The following SNRPN variants were observed in gnomAD, a reference collection of about 807,000 sequenced individuals.
SNRPN encodes the protein small nuclear ribonucleoprotein-associated protein N.
Under a neutral mutation model 25.2 loss-of-function variants are expected in SNRPN, and 7 were observed. That is an observed-to-expected ratio of 0.28 (90% CI 0.16 to 0.52). The LOEUF (loss-of-function observed/expected upper bound fraction) is 0.52. SNRPN is among the 20% of genes least tolerant of loss of function. SNRPN has a pLI of 0.96. For synonymous variants in SNRPN, 124 were observed against 110.6 expected, an observed-to-expected ratio of 1.12 and a Z score of -0.76; for missense variants, 196 against 322.5, an observed-to-expected ratio of 0.61 and a Z score of 3.00.
intron 3 of SNRPN, among the ~76,000 whole-genome samples, chr15:24,930,590 C>CAA (rs67708507): frequency 0.011 from 1,045 of 98,338 alleles, 43 homozygotes; most frequent in Admixed American, 0.067. Flanking sequence ...TACAAAAATA[C>CAA]AAAAAAAAAA....
At chr15:24,830,104 A>G (rs2141386819) in intron 2 of SNRPN, among the ~76,000 whole-genome samples, 1 of 152,218 alleles carries the variant, frequency 6.6e-6, no homozygotes, top group Admixed American at 6.5e-5. Context: ...TTTTCAGAGC[A>G]TAGCATGTAT....
intron 6 of SNRPN, among the ~76,000 whole-genome samples, 154 bp from the exon 7 acceptor site, chr15:24,976,723 T>C (rs1354415763): frequency 6.6e-6 from 1 of 152,254 alleles, no homozygotes; most frequent in East Asian, 1.9e-4. Flanking sequence ...ACAAGATACC[T>C]CCATGGTATA....
At chr15:24,958,110 A>C (rs1269570979) in intron 1 of SNRPN, among the ~76,000 whole-genome samples, 1 of 152,126 alleles carries the variant, frequency 6.6e-6, no homozygotes, top group Non-Finnish European at 1.5e-5. Flanking sequence ...CTATCTGACC[A>C]GTGTGTCATT....
chr15:24,879,771 C>T (rs7179965), intron 1 of SNRPN, among the ~76,000 whole-genome samples: 41,747 of 151,986 alleles, frequency 0.27, 6,053 homozygotes, highest in East Asian at 0.36. Flanking sequence ...TTTGTATTGC[C>T]GATAGCTGCC....
chr15:24,966,609 A>T (rs763301105), intron 2 of SNRPN, among the ~76,000 whole-genome samples: 1 of 152,108 alleles, frequency 6.6e-6, no homozygotes, highest in African/African-American at 2.4e-5. Context: ...ATTACCAAGA[A>T]CTCAGGTGTG....
chr15:24,902,881 G>C lies in SNRPN; in HGVS notation c.-505+16292G>C, dbSNP rs576427036. Among the ~76,000 whole-genome samples the C allele has an allele frequency of 2.0e-5, 3 of 152,354 alleles. No individual in the cohort carries two copies. In the East Asian group the frequency reaches 5.8e-4, roughly 29 times the overall value. On this transcript the variant is annotated intron_variant, in intron 2 of 11. Coordinates refer to the SNRPN transcript ENST00000400097. ...AGAGCAAAAGAACAATGCTTCCACA[G>C]CGTGGAAAGGGACCCCAGTGGGTTG...
chr15:24,873,549 A>C (rs922337848), intron 1 of SNRPN, among the ~76,000 whole-genome samples: 1 of 150,476 alleles, frequency 6.6e-6, no homozygotes, highest in Non-Finnish European at 1.5e-5. Context: ...CCCGGTTCAC[A>C]CCATTCTCCT....
At chr15:24,839,237 T>C (rs74005367) in intron 2 of SNRPN, among the ~76,000 whole-genome samples, 4,226 of 152,074 alleles carry the variant, frequency 0.028, 209 homozygotes, top group African/African-American at 0.096. Context: ...AGTAGCTCCA[T>C]TGGCTTGCAG....
At chr15:24,839,449 C>T (rs2051490357) in intron 2 of SNRPN, among the ~76,000 whole-genome samples, 1 of 152,028 alleles carries the variant, frequency 6.6e-6, no homozygotes, top group African/African-American at 2.4e-5. Flanking sequence ...AAGTAGCAAG[C>T]TGTTTTGATA....
intron 3 of SNRPN, among the ~76,000 whole-genome samples, chr15:24,938,114 G>GT (rs34512648): frequency 0.36 from 50,945 of 139,888 alleles, 9,479 homozygotes; most frequent in East Asian, 0.51. Flanking sequence ...CTTCTAATTC[G>GT]TTTTTTTTTT....
intron 2 of SNRPN, chr15:24,848,885 CGT>C (rs1382267122): frequency 6.6e-6 from 1 of 151,740 alleles, no homozygotes; most frequent in East Asian, 1.9e-4. Context: ...TTCACTACTA[CGT>C]GTTTTTTTTT....
chr15:24,924,314 G>A (rs1170884187), intron 3 of SNRPN, among the ~76,000 whole-genome samples: 1 of 151,814 alleles, frequency 6.6e-6, no homozygotes, highest in Non-Finnish European at 1.5e-5. Flanking sequence ...ACAGTTTGGG[G>A]GAAAGATAAA....
At chr15:24,882,554 C>T (rs1373855058) in intron 1 of SNRPN, among the ~76,000 whole-genome samples, 3 of 152,090 alleles carry the variant, frequency 2.0e-5, no homozygotes, top group Admixed American at 6.6e-5. Flanking sequence ...TGGCCAGGCA[C>T]GGTGGCTTAC....
chr15:24,969,960 C>T (rs1295471454), intron 3 of SNRPN, among the ~76,000 whole-genome samples: 3 of 152,130 alleles, frequency 2.0e-5, no homozygotes, highest in Admixed American at 6.6e-5. Flanking sequence ...GCCTAAAATA[C>T]TTAGTATCTT....
chr15:24,909,693 A>T, intron 2 of SNRPN: 1 of 1,235,268 alleles, frequency 8.1e-7, no homozygotes, highest in South Asian at 1.2e-5. Flanking sequence ...AGTGTGTTGT[A>T]TTTATTTTTA....
chr15:24,907,297 T>A (rs2151916846), intron 2 of SNRPN, among the ~76,000 whole-genome samples: 1 of 152,224 alleles, frequency 6.6e-6, no homozygotes, highest in Middle Eastern at 3.4e-3. Flanking sequence ...GATGGTGCCC[T>A]CTCAAAAATT....
At position 24,964,503 on chromosome 15, in the gene SNRPN, A is replaced by G. The variant is rs2075335103; in HGVS notation, c.-295+2294A>G. Among the ~76,000 whole-genome samples, 2 of 152,132 alleles carry G rather than the reference A, an allele frequency of 1.3e-5. 1 individual carries two copies. Among genetic ancestry groups the G allele is most frequent in the African/African-American group, 4.8e-5 (2 of 41,418 alleles). On this transcript the variant is annotated intron_variant, in intron 2 of 9. Transcript: ENST00000390687. ...GAGACAGGGTTTCTCCATGTTGGTC[A>G]GGCTGGGCTCGAACTCCCGACCTCA...
intron 1 of SNRPN, among the ~76,000 whole-genome samples, chr15:24,858,642 A>T (rs976489799): frequency 1.5e-4 from 23 of 151,978 alleles, no homozygotes; most frequent in South Asian, 2.1e-4. Context: ...AAAAAAAAAA[A>T]ATACAAAAAT....
At chr15:24,864,838 A>G (rs1374487745) in intron 1 of SNRPN, among the ~76,000 whole-genome samples, 2 of 151,994 alleles carry the variant, frequency 1.3e-5, no homozygotes, top group Non-Finnish European at 2.9e-5. Context: ...TGTATTTTGA[A>G]GTTTACCAGT....
Sources: allele counts gnomAD v4.1 joint callset (sites outside exome capture counted in the v4.1 genomes callset), GRCh38; gene constraint gnomAD v4.1.1; transcripts MANE v1.5; gene names NCBI Gene and HGNC (gene_info 2026-07-23, HGNC 2026-07-21).